The following EIF3L variants were observed in gnomAD, a reference collection of about 807,000 sequenced individuals.
EIF3L encodes the protein eIEF associated protein HSPC021.
A neutral mutation model predicts 74.6 loss-of-function variants in EIF3L; 32 were observed. That is an observed-to-expected ratio of 0.43 (90% CI 0.32 to 0.58). The LOEUF (loss-of-function observed/expected upper bound fraction) is 0.58, where lower values mean the gene tolerates loss of function less well. Among genes scored for constraint, EIF3L ranks in the 20% least tolerant of loss-of-function variants. EIF3L has a pLI of 0.06. For missense variants in EIF3L, 474 were observed against 707.8 expected, an observed-to-expected ratio of 0.67 and a Z score of 3.75; for synonymous variants, 256 against 254.4, an observed-to-expected ratio of 1.01 and a Z score of -0.06.
intron 8 of EIF3L, among the ~76,000 whole-genome samples, chr22:37,873,482 A>G (rs1016579996): frequency 6.6e-6 from 1 of 151,834 alleles, no homozygotes; most frequent in African/African-American, 2.4e-5. Context: ...TATTTTTAGT[A>G]GAGACGGGGT....
At chr22:37,872,199 C>T (rs757544247) in intron 8 of EIF3L, among the ~76,000 whole-genome samples, 13 of 151,994 alleles carry the variant, frequency 8.6e-5, no homozygotes, top group Non-Finnish European at 1.8e-4. Context: ...TTCACTGCAT[C>T]CTCTGCCTCC....
rs780350771 is a variant in EIF3L at position 37,858,739 on chromosome 22, G to A, written c.434G>A (p.Ser145Asn). The stretch of plus-strand genomic sequence containing the variant: ...TACAGGCACATATATGCCAAAGTCA[G>A]TGTAAGTATTTAAGTGTCGCAGTTT... ...LYYRHIYAKV[S>N]GGPSLEQRFE... is the part of the protein sequence containing the mutation. Residue 145 changes from serine (S) to asparagine (N), a missense_variant and splice_region_variant, in exon 5 of 13, where the codon AGT becomes AAT. Around this residue, in one of 4 missense-constraint regions of EIF3L, gnomAD observed 141 missense variants for 197.7 expected, o/e 0.71. Transcript: ENST00000652021. 6 of 1,598,546 alleles carry A rather than the reference G, an allele frequency of 3.8e-6. No individual in the cohort carries two copies. The highest frequency in any genetic ancestry group is 1.8e-5 in the Admixed American group (1 of 56,980).
At chr22:37,856,095 T>G (rs1925487899) in intron 4 of EIF3L, among the ~76,000 whole-genome samples, 1 of 151,948 alleles carries the variant, frequency 6.6e-6, no homozygotes, top group African/African-American at 2.4e-5. Flanking sequence ...TCTCGTTCTG[T>G]CTCCCAGGCT....
chr22:37,850,676 T>G, intron 2 of EIF3L: 1 of 163,190 alleles, frequency 6.1e-6, no homozygotes, highest in South Asian at 1.4e-4. Context: ...TTTAAGTAAT[T>G]CAAACCAAGC....
At chr22:37,883,716 C>T (rs185906340) in intron 11 of EIF3L, 1 of 152,394 alleles carries the variant, frequency 6.6e-6, no homozygotes, top group Non-Finnish European at 1.5e-5. Flanking sequence ...GAGTTCAAGA[C>T]CAGCCTGGCC....
chr22:37,878,236 G>C, intron 11 of EIF3L, 65 bp downstream of exon 11: 1 of 1,515,216 alleles, frequency 6.6e-7, no homozygotes, highest in Non-Finnish European at 8.8e-7. Flanking sequence ...TCACTATTGT[G>C]GGCACATGAA....
intron 9 of EIF3L, 101 bp from the exon 10 acceptor site, chr22:37,875,740 T>C: frequency 9.2e-7 from 1 of 1,092,106 alleles, no homozygotes. Flanking sequence ...TTCCTCTGGA[T>C]AGTTGAGGGC....
At chr22:37,874,262 C>T (rs1411981008) in intron 8 of EIF3L, 108 bp from the exon 9 acceptor site, 2 of 1,201,606 alleles carry the variant, frequency 1.7e-6, no homozygotes, top group Non-Finnish European at 2.3e-6. Context: ...TTGAGGGAAG[C>T]TTTCAAGGCT....
Position 37,865,731 on chromosome 22 carries a change from A to T in EIF3L, c.579+2386A>T, listed in dbSNP as rs542107809. ...AGTGCCTTTCATAGCAAAGGCCACA[A>T]ACCGTACTGGCCTTGTTTGCCCTCT... On this transcript the variant is annotated intron_variant, in intron 7 of 12. Transcript: ENST00000652021. 1.4e-4 allele frequency among the ~76,000 whole-genome samples: 21 copies of T among 152,358 alleles called. No individual in the cohort carries two copies. The East Asian group carries it at 3.7e-3, about 27-fold the overall frequency.
At chr22:37,873,465 T>G (rs1926585943) in intron 8 of EIF3L, among the ~76,000 whole-genome samples, 1 of 151,532 alleles carries the variant, frequency 6.6e-6, no homozygotes, top group Admixed American at 6.6e-5. Context: ...GCCCGGCTAA[T>G]TTTTTGTATT....
At chr22:37,858,219 CTTTTTTTTTTTTTTT>C (rs549425262) in intron 4 of EIF3L, among the ~76,000 whole-genome samples, 1 of 85,084 alleles carries the variant, frequency 1.2e-5, no homozygotes, top group Non-Finnish European at 2.1e-5. Context: ...TTCTTTCTTC[CTTTTTTTTTTTTTTT>C]TTTTTTTTTT....
chr22:37,873,178 G>A (rs973322719), intron 8 of EIF3L, among the ~76,000 whole-genome samples: 1 of 151,888 alleles, frequency 6.6e-6, no homozygotes, highest in Non-Finnish European at 1.5e-5. Flanking sequence ...TAGTAGAGAC[G>A]GGGCTTCACC....
At position 37,884,901 on chromosome 22, in the gene EIF3L, C is replaced by CTTT. The variant is rs10605799; in HGVS notation, c.1576-1836_1576-1834dup. 19 of 36,062 alleles carry CTTT rather than the reference C, an allele frequency of 5.3e-4. 3 individuals are homozygous for CTTT. The highest frequency in any genetic ancestry group is 1.1e-3 in the Admixed American group (2 of 1,808). 2.2% of individuals were successfully genotyped at this position (36,062 alleles called of 1,614,324 possible). A position where few individuals can be genotyped will look rare whatever the true frequency, so the allele number is the denominator to read the frequency against. ...CTCCCTTGCCAGGATCATGTCAAGC[C>CTTT]TTTTTTTTTTTTTTTTTTTTTTTTT... On this transcript the variant is annotated intron_variant, in intron 11 of 12. Coordinates refer to ENST00000652021, the MANE Select transcript of EIF3L (RefSeq NM_016091.4).
In EIF3L at chr22:37,870,364, G is replaced by T. The variant is rs146324323; in HGVS notation, c.751+17G>T. 3 of 1,580,482 alleles carry T rather than the reference G, an allele frequency of 1.9e-6. No homozygotes were observed. The highest frequency in any genetic ancestry group is 2.6e-6 in the Non-Finnish European group (3 of 1,160,858). ...CAAGCGGAGGTGAGTGCAGCAGGCC[G>T]ACAGCCGTGGCCTGCGAATTTCCAG... is the stretch of plus-strand genomic sequence containing the variant. On this transcript the variant is annotated intron_variant, in intron 8 of 12. Transcript: ENST00000652021.
intron 10 of EIF3L, 48 bp downstream of exon 10, chr22:37,876,059 T>C: frequency 1.3e-6 from 2 of 1,581,468 alleles, no homozygotes; most frequent in Middle Eastern, 1.7e-4. Context: ...ATCAGGGGGA[T>C]CCTTGGCACC....
At chr22:37,886,868 G>A in intron 12 of EIF3L, 23 bp downstream of exon 12, 4 of 1,587,260 alleles carry the variant, frequency 2.5e-6, no homozygotes, top group South Asian at 1.1e-5. Context: ...AGAGAAGAGG[G>A]GTTTGTTGGC....
chr22:37,877,498 G>A, intron 10 of EIF3L, 176 bp from the exon 11 acceptor site: 2 of 708,212 alleles, frequency 2.8e-6, no homozygotes, highest in South Asian at 4.3e-5. Flanking sequence ...AGCTAGGATG[G>A]AAGTTAGGTA....
chr22:37,858,882 T>A, intron 5 of EIF3L, 142 bp downstream of exon 5: 1 of 737,102 alleles, frequency 1.4e-6, no homozygotes, highest in Non-Finnish European at 2.2e-6. Flanking sequence ...TAAGAAGCGG[T>A]GGAAGGAACA....
At chr22:37,880,553 C>T (rs1278991128) in intron 11 of EIF3L, 7 of 152,228 alleles carry the variant, frequency 4.6e-5, no homozygotes, top group South Asian at 2.1e-4. Context: ...TACAGGCGCA[C>T]GTCACCACGA....
Sources: gnomAD v4.1 joint callset for allele counts (sites outside exome capture counted in the v4.1 genomes callset) on GRCh38, gnomAD v4.1.1 for gene constraint, gnomAD v4.1.1 regional missense constraint, MANE v1.5 for transcripts, NCBI Gene and HGNC (gene_info 2026-07-23, HGNC 2026-07-21) for gene names.